The following DAB1 variants were observed in gnomAD, a reference collection of about 807,000 sequenced individuals.
DAB1 encodes DAB adaptor protein 1.
A neutral mutation model predicts 64.6 loss-of-function variants in DAB1; 15 were observed. The ratio of observed to expected loss-of-function variants is 0.23; its 90% confidence interval spans 0.16 to 0.36. The LOEUF (loss-of-function observed/expected upper bound fraction) is 0.36, where lower values mean the gene tolerates loss of function less well. Among genes scored for constraint, DAB1 ranks in the 10% least tolerant of loss-of-function variants. The pLI, the probability that DAB1 is intolerant of heterozygous loss-of-function variation, is 1.00. For synonymous variants in DAB1, 235 were observed against 251.9 expected, an observed-to-expected ratio of 0.93 and a Z score of 0.64; for missense variants, 596 against 706.7, an observed-to-expected ratio of 0.84 and a Z score of 1.78.
At chr1:57,326,561 A>G (rs760576071) in intron 1 of DAB1, among the ~76,000 whole-genome samples, 2 of 152,206 alleles carry the variant, frequency 1.3e-5, no homozygotes, top group Non-Finnish European at 2.9e-5. Context: ...TTGTGCTGCC[A>G]TAACAAAATA....
chr1:58,134,530 G>T (rs544671609), intron 5 of DAB1, among the ~76,000 whole-genome samples: 1 of 152,046 alleles, frequency 6.6e-6, no homozygotes, highest in Admixed American at 6.5e-5. Flanking sequence ...AAAAAAAGAG[G>T]TTTAATCAGC....
intron 6 of DAB1, among the ~76,000 whole-genome samples, chr1:57,683,902 G>A (rs1646665390): frequency 6.6e-6 from 1 of 152,056 alleles, no homozygotes; most frequent in Non-Finnish European, 1.5e-5. Flanking sequence ...AGACAAAATC[G>A]CCAGTTTAGT....
intron 2 of DAB1, among the ~76,000 whole-genome samples, chr1:57,239,343 T>G (rs545522772): frequency 1.3e-5 from 2 of 152,200 alleles, no homozygotes; most frequent in African/African-American, 4.8e-5. Context: ...ATCATGTCAT[T>G]AATTTGTTTT....
chr1:58,309,123 G>A lies in DAB1; in HGVS notation n.309+34229C>T, dbSNP rs1303638441. ...ACTGTTTTTCTTAGCTATAAAATGC[G>A]GATGATATTGTTTCTTTGTGAAGTA... On this transcript the variant is annotated intron_variant and non_coding_transcript_variant, in intron 4 of 20. Coordinates refer to the DAB1 transcript ENST00000485760. Among the ~76,000 whole-genome samples the A allele has an allele frequency of 5.9e-5, 9 of 152,198 alleles. No homozygotes were observed. In the East Asian group the frequency reaches 1.7e-3, roughly 29 times the overall value.
intron 3 of DAB1, among the ~76,000 whole-genome samples, chr1:58,344,264 A>C (rs1643970074): frequency 6.6e-6 from 1 of 152,186 alleles, no homozygotes; most frequent in Non-Finnish European, 1.5e-5. Context: ...CAGGTGTCTT[A>C]AAGTGACCCT....
chr1:57,271,393 A>G (rs1558062468), intron 2 of DAB1, among the ~76,000 whole-genome samples: 1 of 152,236 alleles, frequency 6.6e-6, no homozygotes. Flanking sequence ...TTTTGGCAGG[A>G]TGACTGCTTC....
At chr1:57,506,283 G>T (rs1644342635) in intron 7 of DAB1, among the ~76,000 whole-genome samples, 1 of 151,356 alleles carries the variant, frequency 6.6e-6, no homozygotes, top group African/African-American at 2.4e-5. Flanking sequence ...TGATCATCTG[G>T]TTTTTTAAGT....
At chr1:58,383,359 C>G (rs1644406266) in intron 3 of DAB1, among the ~76,000 whole-genome samples, 1 of 152,154 alleles carries the variant, frequency 6.6e-6, no homozygotes, top group Non-Finnish European at 1.5e-5. Context: ...CAAATCCCTT[C>G]CAGCACTCAC....
chr1:57,861,829 T>C (rs983351077), intron 1 of DAB1, among the ~76,000 whole-genome samples: 4 of 150,388 alleles, frequency 2.7e-5, no homozygotes, highest in Admixed American at 6.7e-5. Flanking sequence ...AATATGAAGA[T>C]ATGCTATTGT....
chr1:58,480,493 A>T (rs1005646922), intron 3 of DAB1, among the ~76,000 whole-genome samples: 1 of 152,068 alleles, frequency 6.6e-6, no homozygotes, highest in Admixed American at 6.6e-5. Flanking sequence ...AGACAAGGAA[A>T]TTCTCTATCC....
At chr1:57,182,873 C>A (rs929639734) in intron 2 of DAB1, among the ~76,000 whole-genome samples, 1 of 152,042 alleles carries the variant, frequency 6.6e-6, no homozygotes, top group Admixed American at 6.6e-5. Flanking sequence ...ATATGTGAGA[C>A]ACTAGTACAT....
chr1:57,939,622 T>C (rs1283724951), intron 5 of DAB1, among the ~76,000 whole-genome samples: 1 of 152,188 alleles, frequency 6.6e-6, no homozygotes, highest in Non-Finnish European at 1.5e-5. Context: ...CAATCCAAGT[T>C]GGGGGAGGCA....
At chr1:58,308,385 G>C (rs749062661) in intron 4 of DAB1, among the ~76,000 whole-genome samples, 88 of 152,114 alleles carry the variant, frequency 5.8e-4, no homozygotes, top group Non-Finnish European at 6.9e-4. Context: ...TATGGGGTTG[G>C]GGGGAGTGAT....
intron 6 of DAB1, among the ~76,000 whole-genome samples, chr1:57,698,214 G>A (rs1646867709): frequency 6.6e-6 from 1 of 151,198 alleles, no homozygotes; most frequent in Non-Finnish European, 1.5e-5. Context: ...ACCCTCTCAA[G>A]TAGCTGGGAC....
intron 4 of DAB1, among the ~76,000 whole-genome samples, chr1:57,123,727 G>A (rs1368842120): frequency 6.6e-6 from 1 of 152,132 alleles, no homozygotes; most frequent in Admixed American, 6.5e-5. Flanking sequence ...AATGCTTTAT[G>A]TTGATTGAAA....
chr1:57,421,562 C>T (rs1684886111), intron 1 of DAB1, among the ~76,000 whole-genome samples: 1 of 152,108 alleles, frequency 6.6e-6, no homozygotes, highest in African/African-American at 2.4e-5. Context: ...CTTTTCTCAT[C>T]CCTGCGGATC....
At chr1:57,848,277 A>T (rs2101924342) in intron 1 of DAB1, among the ~76,000 whole-genome samples, 1 of 152,382 alleles carries the variant, frequency 6.6e-6, no homozygotes, top group South Asian at 2.1e-4. Context: ...CACTAATGAT[A>T]TCTAAACCTA....
Position 57,946,293 on chromosome 1 carries a change from C to T in DAB1, n.388-62131G>A, listed in dbSNP as rs376209678. Among the ~76,000 whole-genome samples, 7 of 152,300 alleles carry T rather than the reference C, an allele frequency of 4.6e-5. No individual in the cohort carries two copies. In the East Asian group the frequency reaches 1.2e-3, roughly 25 times the overall value. The stretch of plus-strand genomic sequence containing the variant: ...AGAGTGGGGCAGACAACTAACTATA[C>T]GTGGAGCCCTCTCTCTCCTTAGCAA... On this transcript the variant is annotated intron_variant and non_coding_transcript_variant, in intron 5 of 20. Transcript: ENST00000485760.
chr1:57,803,096 C>G (rs1358458298), intron 6 of DAB1, among the ~76,000 whole-genome samples: 2 of 152,112 alleles, frequency 1.3e-5, no homozygotes, highest in African/African-American at 2.4e-5. Flanking sequence ...GGTAACTTGT[C>G]CTTCCTTGAA....
Sources: allele counts gnomAD v4.1 joint callset (sites outside exome capture counted in the v4.1 genomes callset), GRCh38; gene constraint gnomAD v4.1.1; transcripts MANE v1.5; gene names NCBI Gene and HGNC (gene_info 2026-07-23, HGNC 2026-07-21).